The following PTPRM variants were observed in gnomAD, a reference collection of about 807,000 sequenced individuals.
PTPRM encodes protein tyrosine phosphatase receptor type M.
In PTPRM, 47 loss-of-function variants were observed where a neutral mutation model predicts 186.7. The ratio of observed to expected loss-of-function variants is 0.25; its 90% CI spans 0.20 to 0.32. PTPRM has a LOEUF of 0.32. PTPRM is among the 10% of genes least tolerant of loss of function. PTPRM has a pLI of 1.00. For synonymous variants in PTPRM, 668 were observed against 674.9 expected (o/e 0.99, Z 0.16); for missense variants, 1,494 against 1,865.0 (o/e 0.80, Z 3.66).
At chr18:7,718,608 T>C (rs2144839433) in intron 1 of PTPRM, among the ~76,000 whole-genome samples, 1 of 152,036 alleles carries the variant, frequency 6.6e-6, no homozygotes, top group East Asian at 1.9e-4. Flanking sequence ...GAGAAATAAT[T>C]AGCAGAGTAA....
intron 3 of PTPRM, among the ~76,000 whole-genome samples, chr18:7,896,712 G>C (rs2049379555): frequency 6.6e-6 from 1 of 152,158 alleles, no homozygotes; most frequent in South Asian, 2.1e-4. Flanking sequence ...ATTAGGTGTG[G>C]ATTCAGCTTG....
intron 1 of PTPRM, among the ~76,000 whole-genome samples, chr18:7,719,543 CA>C (rs753362009): frequency 6.6e-6 from 1 of 150,680 alleles, no homozygotes; most frequent in East Asian, 1.9e-4. Context: ...ATTTAGAATA[CA>C]AAAAAAATAA....
chr18:7,757,739 TGA>T (rs2041570630), intron 1 of PTPRM, among the ~76,000 whole-genome samples: 1 of 152,060 alleles, frequency 6.6e-6, no homozygotes, highest in Non-Finnish European at 1.5e-5. Context: ...AATGGATGAG[TGA>T]GCAGGAGCTT....
At chr18:7,906,462 A>G (rs773440992) in intron 3 of PTPRM, 43 bp from the exon 4 acceptor site, 499 of 1,485,746 alleles carry the variant, frequency 3.4e-4, no homozygotes, top group South Asian at 5.1e-4. Flanking sequence ...GGTAAAAGTA[A>G]GACAAAATGA....
rs2036490220 is a variant in PTPRM, at chr18:7,568,529, C to T, written c.73+638C>T. On this transcript the variant is annotated intron_variant, in intron 1 of 32. Coordinates refer to ENST00000580170, the MANE Select transcript of PTPRM (RefSeq NM_001105244.2). This position sits in a 1 kb window ranked among gnomAD's most constrained non-coding sequence, Gnocchi z 5.1. Reference sequence around the variant, plus strand: ...GGTCCCAGCGGTAGGGCTTGGCGGCCGCGGAGGGAAGCGGGCAGGTCCCCA... The same window carrying T: ...GGTCCCAGCGGTAGGGCTTGGCGGCTGCGGAGGGAAGCGGGCAGGTCCCCA... 6.6e-6 allele frequency among the ~76,000 whole-genome samples: 1 copy of T among 152,128 alleles called. No individual in the cohort carries two copies. Among genetic ancestry groups the T allele is most frequent in the Non-Finnish European group, 1.5e-5 (1 of 68,004 alleles).
At chr18:7,745,460 G>A (rs940877945) in intron 1 of PTPRM, among the ~76,000 whole-genome samples, 1 of 152,180 alleles carries the variant, frequency 6.6e-6, no homozygotes, top group Non-Finnish European at 1.5e-5. Flanking sequence ...AGACTCACAG[G>A]CTCTGGGAGA....
intron 1 of PTPRM, among the ~76,000 whole-genome samples, chr18:7,757,239 T>C (rs1344296008): frequency 2.0e-5 from 3 of 152,218 alleles, no homozygotes; most frequent in Admixed American, 2.0e-4. Flanking sequence ...TGTTGAATTA[T>C]AGTAGGTCAC....
intron 14 of PTPRM, among the ~76,000 whole-genome samples, chr18:8,150,439 G>C (rs904371045): frequency 1.3e-5 from 2 of 151,460 alleles, no homozygotes; most frequent in Non-Finnish European, 2.9e-5. Context: ...GATTGATTCG[G>C]CTATTGATAC....
intron 7 of PTPRM, among the ~76,000 whole-genome samples, chr18:7,982,515 G>A (rs1336522329): frequency 1.4e-5 from 2 of 146,224 alleles, no homozygotes; most frequent in African/African-American, 2.7e-5. Context: ...CTGCTTCACA[G>A]TTAACTTTTT....
At chr18:8,178,700 T>A (rs2093525727) in intron 14 of PTPRM, among the ~76,000 whole-genome samples, 1 of 151,988 alleles carries the variant, frequency 6.6e-6, no homozygotes, top group Non-Finnish European at 1.5e-5. Flanking sequence ...GACAGGAGAA[T>A]CACTAGAACC....
chr18:7,569,802 C>G (rs1406206929), intron 1 of PTPRM, among the ~76,000 whole-genome samples: 1 of 152,106 alleles, frequency 6.6e-6, no homozygotes, highest in Non-Finnish European at 1.5e-5. Flanking sequence ...AAAATTTAGC[C>G]TGATTTTTCA....
At chr18:8,356,757 C>CA (rs2095565527) in intron 23 of PTPRM, among the ~76,000 whole-genome samples, 1 of 152,074 alleles carries the variant, frequency 6.6e-6, no homozygotes, top group African/African-American at 2.4e-5. Flanking sequence ...CCAGGACAGC[C>CA]AATAGCCCAA....
chr18:7,570,504 T>C (rs2036541176), intron 1 of PTPRM, among the ~76,000 whole-genome samples: 1 of 152,208 alleles, frequency 6.6e-6, no homozygotes, highest in African/African-American at 2.4e-5. Flanking sequence ...ATTTGTTGAA[T>C]AAATCACTAA....
chr18:8,222,757 G>T (rs895372189), intron 14 of PTPRM, among the ~76,000 whole-genome samples: 2 of 152,178 alleles, frequency 1.3e-5, no homozygotes, highest in African/African-American at 2.4e-5. Context: ...ATGACACCAG[G>T]GTTTCACTAT....
chr18:8,293,095 A>T (rs2095058916), intron 19 of PTPRM, among the ~76,000 whole-genome samples: 1 of 152,186 alleles, frequency 6.6e-6, no homozygotes, highest in Admixed American at 6.5e-5. Context: ...GGACTCATTC[A>T]TCTGCACATA....
At chr18:7,893,969 T>C (rs1424940912) in intron 3 of PTPRM, among the ~76,000 whole-genome samples, 1 of 152,086 alleles carries the variant, frequency 6.6e-6, no homozygotes, top group Non-Finnish European at 1.5e-5. Context: ...GCCTGAGGTG[T>C]CAGCCTAATT....
chr18:8,297,782 C>A (rs559966090), intron 20 of PTPRM, among the ~76,000 whole-genome samples: 1 of 152,298 alleles, frequency 6.6e-6, no homozygotes, highest in Admixed American at 6.5e-5. Flanking sequence ...ATGCTGCTTT[C>A]CCTCCGGCCA....
chr18:8,277,935 A>T (rs140998387), intron 19 of PTPRM, among the ~76,000 whole-genome samples: 64 of 152,336 alleles, frequency 4.2e-4, no homozygotes, highest in African/African-American at 1.4e-3. Context: ...GAGTAGGGAG[A>T]GAAGTGGGCT....
intron 7 of PTPRM, among the ~76,000 whole-genome samples, chr18:8,025,645 T>G (rs538925840): frequency 1.3e-5 from 2 of 152,344 alleles, no homozygotes; most frequent in South Asian, 4.1e-4. Flanking sequence ...AAATGAATTA[T>G]TTCAACAGCT....
Sources: allele counts gnomAD v4.1 joint callset (sites outside exome capture counted in the v4.1 genomes callset), GRCh38; gene constraint gnomAD v4.1.1; non-coding constraint Gnocchi (gnomAD v3.1); transcripts MANE v1.5; gene names NCBI Gene and HGNC (gene_info 2026-07-23, HGNC 2026-07-21).